Variants in FMN2 observed in about 807,000 individuals in gnomAD.
The protein encoded by FMN2 is formin-2.
Under a neutral mutation model 142.3 loss-of-function variants are expected in FMN2, and 51 were observed. That is an observed-to-expected ratio of 0.36 (90% CI 0.29 to 0.45). FMN2 has a LOEUF of 0.45. Among genes scored for constraint, FMN2 ranks in the 20% least tolerant of loss-of-function variants. The probability of loss-of-function intolerance (pLI) is 1.00; values close to 1 mark genes in which losing one functional copy is unlikely to be tolerated. For synonymous variants in FMN2, 882 were observed against 869.8 expected (o/e 1.01, Z -0.25); for missense variants, 1,936 against 2,122.8 (o/e 0.91, Z 1.73).
intron 16 of FMN2, among the ~76,000 whole-genome samples, chr1:240,448,654 A>AAAAC (rs1351877858): frequency 1.3e-5 from 2 of 152,052 alleles, no homozygotes; most frequent in African/African-American, 2.4e-5. Context: ...TGTCTCTACA[A>AAAAC]AAACAAACAA....
At chr1:240,218,900 T>C (rs1293582290) in intron 6 of FMN2, among the ~76,000 whole-genome samples, 1 of 152,176 alleles carries the variant, frequency 6.6e-6, no homozygotes, top group Non-Finnish European at 1.5e-5. Flanking sequence ...CCATGCTATA[T>C]ACTAAAGATA....
chr1:240,238,978 G>GAAAGA (rs35780188), intron 6 of FMN2, among the ~76,000 whole-genome samples: 1 of 73,604 alleles, frequency 1.4e-5, no homozygotes, highest in African/African-American at 9.6e-5. Flanking sequence ...GGGGAGTATT[G>GAAAGA]AAGGAGGTAT....
intron 14 of FMN2, among the ~76,000 whole-genome samples, chr1:240,358,118 T>C (rs991125644): frequency 2.0e-5 from 3 of 152,248 alleles, no homozygotes; most frequent in African/African-American, 7.2e-5. Flanking sequence ...TTTTATTTCT[T>C]CTTTGCATCT....
At chr1:240,335,489 A>G (rs1671525562) in intron 13 of FMN2, among the ~76,000 whole-genome samples, 1 of 152,198 alleles carries the variant, frequency 6.6e-6, no homozygotes, top group Non-Finnish European at 1.5e-5. Context: ...GATGACAGGC[A>G]TCTTGGTTTG....
At position 240,257,990 on chromosome 1, in the gene FMN2, C is replaced by G; in HGVS notation, c.4111C>G (p.Leu1371Val). Residue 1371 changes from leucine to valine, a missense_variant, in exon 7 of 18, where the codon CTA (leucine) becomes GTA (valine). This residue lies in a region of FMN2 where 322 missense variants were observed against 401.6 expected (regional missense o/e 0.80). Transcript: ENST00000319653. Reference sequence around the variant, plus strand: ...CAAAAGATCACAAGCAGTTGGAATACTAATGTCTAGCCTTCATTTAGATAT... The same window carrying G: ...CAAAAGATCACAAGCAGTTGGAATAGTAATGTCTAGCCTTCATTTAGATAT... ...SNKRSQAVGI[L>V]MSSLHLDMKD... is the part of the protein sequence containing the mutation. 1 of 1,612,638 alleles carries G rather than the reference C, an allele frequency of 6.2e-7. No individual in the cohort carries two copies. Among genetic ancestry groups the G allele is most frequent in the Non-Finnish European group, 8.5e-7 (1 of 1,179,610 alleles).
chr1:240,329,291 G>C, intron 9 of FMN2, 48 bp from the exon 10 acceptor site: 1 of 1,603,580 alleles, frequency 6.2e-7, no homozygotes, highest in Non-Finnish European at 8.5e-7. Flanking sequence ...ATAAACATCT[G>C]TTTATGTGAA....
intron 2 of FMN2, among the ~76,000 whole-genome samples, chr1:240,139,786 T>A (rs1377081689): frequency 6.6e-6 from 1 of 152,068 alleles, no homozygotes; most frequent in East Asian, 1.9e-4. Context: ...TCAGTCCACG[T>A]GTGTGATTAG....
chr1:240,162,458 C>G (rs367577498), intron 2 of FMN2, among the ~76,000 whole-genome samples: 1 of 151,864 alleles, frequency 6.6e-6, no homozygotes, highest in East Asian at 1.9e-4. Flanking sequence ...AGCAAGACTC[C>G]GTCTCAAAAA....
Position 240,328,939 on chromosome 1 carries a change from T to C in FMN2, c.4216-137T>C, listed in dbSNP as rs1347520558. 1.4e-5 allele frequency: 11 copies of C among 766,128 alleles called. 1 individual carries two copies. The highest frequency in any genetic ancestry group is 1.3e-4 in the East Asian group (5 of 37,448). The allele number at this position is 766,128 out of a possible 1,614,324, so 47.5% of individuals were successfully genotyped here. ...ATGAATTAAGTCAAGCTTTACTATA[T>C]ACAGATGCTAAGAAACATGAAAATA... On this transcript the variant is annotated intron_variant, in intron 8 of 17. Coordinates refer to ENST00000319653, the MANE Select transcript of FMN2 (RefSeq NM_020066.5).
At chr1:240,453,139 C>T (rs1461577376) in intron 16 of FMN2, among the ~76,000 whole-genome samples, 1 of 152,178 alleles carries the variant, frequency 6.6e-6, no homozygotes, top group Non-Finnish European at 1.5e-5. Flanking sequence ...ATTTAGCACA[C>T]GCTTTCACAT....
At chr1:240,271,594 G>T (rs1159680580) in intron 7 of FMN2, among the ~76,000 whole-genome samples, 8 of 151,866 alleles carry the variant, frequency 5.3e-5, no homozygotes, top group Non-Finnish European at 1.2e-4. Flanking sequence ...CTGTTGGGAG[G>T]TTTAGTGAAT....
At chr1:240,101,514 G>A (rs1271938137) in intron 1 of FMN2, among the ~76,000 whole-genome samples, 4 of 150,176 alleles carry the variant, frequency 2.7e-5, no homozygotes, top group African/African-American at 9.9e-5. Context: ...GTGTATGTGT[G>A]TGTGTGCCTG....
intron 7 of FMN2, among the ~76,000 whole-genome samples, chr1:240,286,330 T>G (rs893498581): frequency 6.6e-6 from 1 of 152,184 alleles, no homozygotes; most frequent in Non-Finnish European, 1.5e-5. Flanking sequence ...GAGACTTAGA[T>G]TTAATTTCTC....
At chr1:240,348,524 ATT>A (rs35008419) in intron 13 of FMN2, among the ~76,000 whole-genome samples, 55,811 of 143,980 alleles carry the variant, frequency 0.39, 10,500 homozygotes, top group Admixed American at 0.53. Flanking sequence ...CGCCCAGCCT[ATT>A]TTTTTTTTTT....
chr1:240,143,507 CCTT>C (rs1278678951), intron 2 of FMN2: 1 of 1,576,884 alleles, frequency 6.3e-7, no homozygotes, highest in South Asian at 1.1e-5. Context: ...TTGTCTTCCT[CCTT>C]CTCTTTGGAG....
At chr1:240,250,085 C>T (rs1293029808) in intron 6 of FMN2, among the ~76,000 whole-genome samples, 2 of 152,086 alleles carry the variant, frequency 1.3e-5, no homozygotes, top group South Asian at 4.1e-4. Context: ...ATTTCTTTCT[C>T]TTGCCTGATT....
chr1:240,440,013 A>G (rs1675554249), intron 16 of FMN2, among the ~76,000 whole-genome samples: 1 of 152,172 alleles, frequency 6.6e-6, no homozygotes, highest in Non-Finnish European at 1.5e-5. Context: ...CATCATGTCT[A>G]GGATTAGAGT....
chr1:240,092,279 GCGGC>G lies in FMN2; in HGVS notation c.171_174del (p.Gly59SerfsTer82). On this transcript the variant is annotated frameshift_variant, in exon 1 of 18. Transcript: ENST00000319653. LOFTEE classifies it high-confidence loss of function. ...GGCAAGGGGGGAGGGGGCGGCGGCG[GCGGC>G]GGGGAGTCGGGCAAGAAGAAGAGCA... 6.3e-7 allele frequency: 1 copy of G among 1,579,354 alleles called. No homozygotes were observed. The highest frequency in any genetic ancestry group is 8.6e-7 in the Non-Finnish European group (1 of 1,160,566).
At chr1:240,469,277 A>G (rs531798050) in intron 16 of FMN2, among the ~76,000 whole-genome samples, 1 of 152,262 alleles carries the variant, frequency 6.6e-6, no homozygotes, top group South Asian at 2.1e-4. Flanking sequence ...ATACCTAAGA[A>G]TAGGCCTAGA....
Sources: allele counts gnomAD v4.1 joint callset (sites outside exome capture counted in the v4.1 genomes callset), GRCh38; gene constraint gnomAD v4.1.1; regional missense constraint gnomAD v4.1.1; transcripts MANE v1.5; gene names NCBI Gene and HGNC (gene_info 2026-07-23, HGNC 2026-07-21).